The following TPO variants were observed in gnomAD, a reference collection of about 807,000 sequenced individuals.
TPO encodes thyroid microsomal antigen.
A neutral mutation model predicts 96.9 loss-of-function variants in TPO; 78 were observed. That is an observed-to-expected ratio of 0.81 (90% CI 0.67 to 0.97). The LOEUF (loss-of-function observed/expected upper bound fraction) is 0.97. Ranked by LOEUF, TPO falls within the 50% of genes least tolerant of loss-of-function variation. The probability of loss-of-function intolerance (pLI) is 0.00; values close to 1 mark genes in which losing one functional copy is unlikely to be tolerated. For missense variants in TPO, 1,252 were observed against 1,274.8 expected (o/e 0.98, Z 0.27); for synonymous variants, 547 against 538.0 (o/e 1.02, Z -0.23).
rs149346954 is a variant in TPO at position 1,423,115 on chromosome 2, C to T, written c.165C>T (p.Tyr55=). The part of the protein sequence containing the change: ...ESKRLVDTAM[Y]ATMQRNLKKR... ...AGCGCCTGGTGGACACCGCCATGTA[C>T]GCCACGATGCAGAGGTGAGCCTTGC... Residue 55 remains tyrosine, a synonymous_variant, in exon 3 of 17, where the codon TAC becomes TAT. Transcript: ENST00000329066. 3.2e-5 allele frequency: 51 copies of T among 1,613,820 alleles called. No individual in the cohort carries two copies. The East Asian group carries it at 4.9e-4, about 16-fold the overall frequency.
In TPO at chr2:1,458,267, C is replaced by T. The variant is rs906237590; in HGVS notation, c.819+1985C>T. 7.9e-5 allele frequency among the ~76,000 whole-genome samples: 12 copies of T among 151,392 alleles called. No individual in the cohort carries two copies. In the South Asian group the frequency reaches 8.3e-4, roughly 11 times the overall value. ...TAGGATATAAGATAGTGTGTGGGCACGTGTGTATATAGCATATAAGACAGT... is the reference window on the plus strand; with the variant it reads ...TAGGATATAAGATAGTGTGTGGGCATGTGTGTATATAGCATATAAGACAGT... On this transcript the variant is annotated intron_variant, in intron 7 of 16. Coordinates refer to ENST00000329066, the MANE Select transcript of TPO (RefSeq NM_001206744.2).
chr2:1,390,641 C>T (rs1045894233), intron 1 of TPO, among the ~76,000 whole-genome samples: 1 of 152,206 alleles, frequency 6.6e-6, no homozygotes, highest in Non-Finnish European at 1.5e-5. Flanking sequence ...TTTACACTCC[C>T]ATTAACAGTG....
chr2:1,509,252 G>T (rs553971185), intron 14 of TPO, among the ~76,000 whole-genome samples: 1 of 152,124 alleles, frequency 6.6e-6, no homozygotes, highest in African/African-American at 2.4e-5. Flanking sequence ...TCGGAGAGAC[G>T]GTTTGTTATT....
intron 10 of TPO, 39 bp from the exon 11 acceptor site, chr2:1,493,763 G>A (rs750848198): frequency 6.2e-7 from 1 of 1,612,038 alleles, no homozygotes; most frequent in Non-Finnish European, 8.5e-7. Flanking sequence ...CAAAAGTTCA[G>A]TTCTGTGAGA....
intron 15 of TPO, among the ~76,000 whole-genome samples, chr2:1,532,495 C>T (rs1280193062): frequency 7.7e-6 from 1 of 130,118 alleles, no homozygotes; most frequent in East Asian, 2.4e-4. Flanking sequence ...AGTGCAAAAC[C>T]TCCTCAAAAC....
At chr2:1,384,526 G>A (rs1443688232) in intron 1 of TPO, among the ~76,000 whole-genome samples, 3 of 152,194 alleles carry the variant, frequency 2.0e-5, no homozygotes, top group Admixed American at 6.5e-5. Flanking sequence ...TGTTTTTGGT[G>A]TATAAGAATG....
At chr2:1,429,919 A>G (rs575009785) in intron 3 of TPO, among the ~76,000 whole-genome samples, 1 of 152,348 alleles carries the variant, frequency 6.6e-6, no homozygotes, top group African/African-American at 2.4e-5. Context: ...CAGAGCATAA[A>G]CATTTGGAAA....
At chr2:1,537,338 C>A (rs1679983565) in intron 15 of TPO, among the ~76,000 whole-genome samples, 1 of 106,172 alleles carries the variant, frequency 9.4e-6, no homozygotes, top group Admixed American at 1.2e-4. Flanking sequence ...CTCCCCAAAT[C>A]CTCCACTCTG....
rs1384181680 is a variant in TPO, at chr2:1,537,535, C to T, written c.2619-3059C>T. Among the ~76,000 whole-genome samples the T allele has an allele frequency of 3.1e-4, 23 of 73,106 alleles. 1 individual carries two copies. The highest frequency in any genetic ancestry group is 1.3e-3 in the African/African-American group (21 of 15,866). The allele number at this position is 73,106 out of a possible 152,430, so 48.0% of individuals were successfully genotyped here. A position where few individuals can be genotyped will look rare whatever the true frequency, so the allele number is the denominator to read the frequency against. On this transcript the variant is annotated intron_variant, in intron 15 of 16. Coordinates refer to ENST00000329066, the MANE Select transcript of TPO (RefSeq NM_001206744.2). ...AACTCTGTGCAACCTCCGCCTATCC[C>T]CCCCAGTGTGCAACCTCCTGAAATC...
At chr2:1,524,974 AGT>A (rs1233550465) in intron 15 of TPO, among the ~76,000 whole-genome samples, 1 of 32,088 alleles carries the variant, frequency 3.1e-5, no homozygotes, top group African/African-American at 1.4e-4. Flanking sequence ...AAATCCCCCC[AGT>A]GTGTGCAACC....
At chr2:1,454,847 C>T (rs1168398129) in intron 6 of TPO, among the ~76,000 whole-genome samples, 1 of 152,200 alleles carries the variant, frequency 6.6e-6, no homozygotes, top group Non-Finnish European at 1.5e-5. Flanking sequence ...GTTCAAGTGT[C>T]TTTAAATGAA....
At chr2:1,486,917 G>A (rs907664250) in intron 9 of TPO, among the ~76,000 whole-genome samples, 12 of 152,162 alleles carry the variant, frequency 7.9e-5, no homozygotes, top group African/African-American at 1.4e-4. Context: ...GCAGGTGCCC[G>A]GCATTTGAAG....
At chr2:1,523,721 C>A in intron 15 of TPO, among the ~76,000 whole-genome samples, 1 of 116,906 alleles carries the variant, frequency 8.6e-6, no homozygotes, top group South Asian at 3.5e-4. Context: ...TGTGCAACCT[C>A]CTCAGGTCCC....
chr2:1,505,507 A>ACCC (rs369665639), intron 14 of TPO, among the ~76,000 whole-genome samples: 1 of 70,630 alleles, frequency 1.4e-5, no homozygotes, highest in Non-Finnish European at 2.6e-5. Context: ...GCACACCCCC[A>ACCC]CCACCATCCT....
intron 7 of TPO, among the ~76,000 whole-genome samples, chr2:1,462,517 A>AACACACACACAC (rs35553172): frequency 1.5e-5 from 2 of 131,628 alleles, no homozygotes; most frequent in African/African-American, 3.2e-5. Context: ...TGTGTAGGTA[A>AACACACACACAC]ACACACACAC....
chr2:1,457,974 AAGAT>A, intron 7 of TPO, among the ~76,000 whole-genome samples: 1 of 150,878 alleles, frequency 6.6e-6, no homozygotes. Context: ...TATGGCATAT[AAGAT>A]AGTGTGTGGG....
chr2:1,471,192 G>A (rs1669370679), intron 7 of TPO, among the ~76,000 whole-genome samples: 1 of 152,182 alleles, frequency 6.6e-6, no homozygotes, highest in African/African-American at 2.4e-5. Context: ...ATAACTGGTA[G>A]AGCTTATTTG....
At chr2:1,529,399 C>G (rs1293299011) in intron 15 of TPO, among the ~76,000 whole-genome samples, 4 of 67,544 alleles carry the variant, frequency 5.9e-5, no homozygotes, top group Admixed American at 1.8e-4. Flanking sequence ...CCCCCACTGT[C>G]TGCAACATCC....
Position 1,542,686 on chromosome 2 carries a change from G to A in TPO, c.*212G>A, listed in dbSNP as rs1213334459. 3 of 1,432,616 alleles carry A rather than the reference G, an allele frequency of 2.1e-6. No homozygotes were observed. The highest frequency in any genetic ancestry group is 2.8e-6 in the Non-Finnish European group (3 of 1,053,000). The allele number at this position is 1,432,616 out of a possible 1,614,324, so 88.7% of individuals were successfully genotyped here. A position where few individuals can be genotyped will look rare whatever the true frequency, so the allele number is the denominator to read the frequency against. On this transcript the variant is annotated 3_prime_UTR_variant, in exon 17 of 17. Coordinates refer to ENST00000329066, the MANE Select transcript of TPO (RefSeq NM_001206744.2). ...TTTTCTTGTAAACATTGCCTGATTT[G>A]TTCCTTCTGGGGCTTTGCCATTAAA...
Sources: gnomAD v4.1 joint callset for allele counts (sites outside exome capture counted in the v4.1 genomes callset) on GRCh38, gnomAD v4.1.1 for gene constraint, MANE v1.5 for transcripts, NCBI Gene and HGNC (gene_info 2026-07-23, HGNC 2026-07-21) for gene names.